HIPK3: variants seen among roughly 807,000 people sequenced by gnomAD.
The protein encoded by HIPK3 is homeodomain interacting protein kinase 3, also known as homeodomain-interacting protein kinase 3.
A neutral mutation model predicts 124.2 loss-of-function variants in HIPK3; 47 were observed. The observed-to-expected ratio is 0.38, with a 90% CI of 0.30 to 0.48. The LOEUF is 0.48. Ranked by LOEUF, HIPK3 falls within the 20% of genes least tolerant of loss-of-function variation. The probability of loss-of-function intolerance (pLI) is 0.98; values close to 1 mark genes in which losing one functional copy is unlikely to be tolerated. For missense variants in HIPK3, 1,286 were observed against 1,454.3 expected (o/e 0.88, Z 1.88); for synonymous variants, 482 against 515.2 (o/e 0.94, Z 0.87).
At chr11:33,269,849 C>T (rs972538557) in intron 1 of HIPK3, among the ~76,000 whole-genome samples, 9 of 152,092 alleles carry the variant, frequency 5.9e-5, no homozygotes, top group African/African-American at 2.2e-4. Flanking sequence ...TTTTGAACCT[C>T]CTATTCATTT....
chr11:33,330,708 T>A (rs1212915994), intron 3 of HIPK3, among the ~76,000 whole-genome samples: 4 of 152,174 alleles, frequency 2.6e-5, no homozygotes, highest in Admixed American at 2.6e-4. Context: ...GGCGTCTTTG[T>A]TTTGGCCCTA....
chr11:33,277,755 G>A (rs1851308879), intron 1 of HIPK3, among the ~76,000 whole-genome samples: 2 of 152,212 alleles, frequency 1.3e-5, no homozygotes, highest in Non-Finnish European at 2.9e-5. Flanking sequence ...GCCCTCAAAA[G>A]TGATTGTACT....
intron 2 of HIPK3, among the ~76,000 whole-genome samples, chr11:33,306,161 T>C (rs1021308740): frequency 2.6e-5 from 4 of 152,218 alleles, no homozygotes; most frequent in Admixed American, 6.5e-5. Flanking sequence ...TATCAACATT[T>C]ATAGATAACT....
intron 2 of HIPK3, among the ~76,000 whole-genome samples, chr11:33,307,078 A>G (rs373533449): frequency 1.3e-5 from 2 of 151,530 alleles, no homozygotes; most frequent in African/African-American, 2.4e-5. Context: ...GGCTGGGATT[A>G]TAGGCATCCG....
chr11:33,280,690 G>C (rs1237348243), intron 1 of HIPK3, among the ~76,000 whole-genome samples: 1 of 152,162 alleles, frequency 6.6e-6, no homozygotes, highest in African/African-American at 2.4e-5. Flanking sequence ...TTGCCTTCCA[G>C]CTTGGCATGT....
At chr11:33,298,452 C>T (rs937886243) in intron 2 of HIPK3, among the ~76,000 whole-genome samples, 2 of 152,224 alleles carry the variant, frequency 1.3e-5, no homozygotes, top group African/African-American at 4.8e-5. Context: ...GCAGTCCCTG[C>T]ATGCATCAGG....
chr11:33,282,885 G>A (rs1037490859), intron 1 of HIPK3, among the ~76,000 whole-genome samples: 10 of 152,090 alleles, frequency 6.6e-5, no homozygotes, highest in African/African-American at 2.4e-4. Context: ...CAAGACCAGC[G>A]TGGGCAATAC....
intron 2 of HIPK3, among the ~76,000 whole-genome samples, chr11:33,316,549 A>G (rs559869145): frequency 1.3e-5 from 2 of 152,300 alleles, no homozygotes; most frequent in African/African-American, 4.8e-5. Flanking sequence ...CTGGCTGGGC[A>G]TGGTGGCTCA....
intron 1 of HIPK3, among the ~76,000 whole-genome samples, chr11:33,278,688 C>A (rs182968568): frequency 1.3e-5 from 2 of 151,860 alleles, no homozygotes; most frequent in Non-Finnish European, 2.9e-5. Flanking sequence ...ACTAAAAATA[C>A]GAAAAATTAG....
At chr11:33,319,460 C>T (rs991974777) in intron 2 of HIPK3, among the ~76,000 whole-genome samples, 1 of 150,406 alleles carries the variant, frequency 6.6e-6, no homozygotes, top group East Asian at 2.0e-4. Flanking sequence ...TGTGCCATTG[C>T]ACTCCAGCCT....
chr11:33,319,917 G>C (rs1852615812), intron 2 of HIPK3, among the ~76,000 whole-genome samples: 1 of 152,188 alleles, frequency 6.6e-6, no homozygotes, highest in Non-Finnish European at 1.5e-5. Flanking sequence ...GCCATGTGTT[G>C]GTGAGGGTTT....
intron 1 of HIPK3, among the ~76,000 whole-genome samples, chr11:33,272,613 C>G (rs1270774974): frequency 6.6e-6 from 1 of 151,800 alleles, no homozygotes; most frequent in African/African-American, 2.4e-5. Context: ...TTCCTTTTTC[C>G]TTTTTTCTTT....
Position 33,354,619 on chromosome 11 carries a change from ATAG to A in HIPK3, c.*1055_*1057del, listed in dbSNP as rs1242229897. On this transcript the variant is annotated 3_prime_UTR_variant, in exon 17 of 17. Transcript: ENST00000303296. ...GGGCAAACCATGCAGTATTTAATAA[ATAG>A]TAGCAGAACTTTTACTATTGAAGCT... is the stretch of plus-strand genomic sequence containing the variant. The A allele has an allele frequency of 6.6e-6, 1 of 152,386 alleles. No homozygotes were observed. The highest frequency in any genetic ancestry group is 1.5e-5 in the Non-Finnish European group (1 of 67,970). The allele number at this position is 152,386 out of a possible 1,614,324, so 9.4% of individuals were successfully genotyped here.
chr11:33,302,093 T>C (rs952795349), intron 2 of HIPK3, among the ~76,000 whole-genome samples: 5 of 152,164 alleles, frequency 3.3e-5, no homozygotes, highest in African/African-American at 1.2e-4. Flanking sequence ...GTAATCAATC[T>C]AGATATCTAA....
intron 1 of HIPK3, among the ~76,000 whole-genome samples, chr11:33,275,933 CCATATTTGGCTGTT>C (rs1352425539): frequency 6.6e-6 from 1 of 152,202 alleles, no homozygotes; most frequent in East Asian, 1.9e-4. Flanking sequence ...GCTACGCCTA[CCATATTTGGCTGTT>C]CATCCACAAG....
At chr11:33,276,519 C>G (rs185887585) in intron 1 of HIPK3, among the ~76,000 whole-genome samples, 1 of 152,022 alleles carries the variant, frequency 6.6e-6, no homozygotes, top group African/African-American at 2.4e-5. Context: ...GAGATAGATT[C>G]TAGCTAGTTT....
At chr11:33,329,107 T>C (rs1435554661) in intron 3 of HIPK3, among the ~76,000 whole-genome samples, 2 of 152,172 alleles carry the variant, frequency 1.3e-5, no homozygotes, top group South Asian at 2.1e-4. Flanking sequence ...AATTCTCTTT[T>C]AGCACTGTTT....
intron 1 of HIPK3, among the ~76,000 whole-genome samples, chr11:33,278,022 C>T (rs1258681596): frequency 6.6e-6 from 1 of 152,126 alleles, no homozygotes; most frequent in African/African-American, 2.4e-5. Flanking sequence ...ATCTTTATTT[C>T]AGGTATCATT....
chr11:33,303,512 T>G (rs1590378646), intron 2 of HIPK3, among the ~76,000 whole-genome samples: 2 of 152,328 alleles, frequency 1.3e-5, no homozygotes, highest in East Asian at 3.9e-4. Context: ...GGTTATTAGT[T>G]TTTTTTCCTT....
Sources: gnomAD v4.1 joint callset for allele counts (sites outside exome capture counted in the v4.1 genomes callset) on GRCh38, gnomAD v4.1.1 for gene constraint, MANE v1.5 for transcripts, NCBI Gene and HGNC (gene_info 2026-07-23, HGNC 2026-07-21) for gene names.